PHF2: variants seen among roughly 807,000 people sequenced by gnomAD.
The protein encoded by PHF2 is PHD finger protein 2.
In PHF2, 27 loss-of-function variants were observed where a neutral mutation model predicts 120.5. The observed-to-expected ratio is 0.22, with a 90% CI of 0.17 to 0.31. The LOEUF is 0.31. PHF2 is among the 10% of genes least tolerant of loss of function. The pLI is 1.00. For synonymous variants in PHF2, 568 were observed against 592.5 expected, an observed-to-expected ratio of 0.96 and a Z score of 0.60; for missense variants, 1,024 against 1,434.8, an observed-to-expected ratio of 0.71 and a Z score of 4.63.
At chr9:93,665,508 C>T (rs1339265462) in intron 14 of PHF2, among the ~76,000 whole-genome samples, 178 bp from the exon 15 acceptor site, 1 of 152,248 alleles carries the variant, frequency 6.6e-6, no homozygotes, top group Non-Finnish European at 1.5e-5. Context: ...CCTCTACCCT[C>T]CTCCCATCTC....
At chr9:93,640,714 T>C (rs1397865113) in intron 3 of PHF2, among the ~76,000 whole-genome samples, 1 of 152,234 alleles carries the variant, frequency 6.6e-6, no homozygotes, top group African/African-American at 2.4e-5. Context: ...CTTCTTCGGA[T>C]GCTTGCTTTG....
chr9:93,605,739 A>G (rs1825532174), intron 1 of PHF2, among the ~76,000 whole-genome samples: 2 of 152,024 alleles, frequency 1.3e-5, no homozygotes, highest in Non-Finnish European at 2.9e-5. Flanking sequence ...TCATGACCTG[A>G]TAGTTCTTTT....
intron 17 of PHF2, among the ~76,000 whole-genome samples, chr9:93,669,227 G>T (rs528361266): frequency 6.6e-6 from 1 of 152,198 alleles, no homozygotes; most frequent in Non-Finnish European, 1.5e-5. Flanking sequence ...GCAGGCCCCC[G>T]CCCTCCAGTC....
intron 1 of PHF2, among the ~76,000 whole-genome samples, chr9:93,619,597 G>A (rs1297206938): frequency 1.3e-5 from 2 of 151,700 alleles, no homozygotes; most frequent in African/African-American, 2.4e-5. Flanking sequence ...GCCTGCTGGT[G>A]GTTCCTGGTG....
intron 1 of PHF2, among the ~76,000 whole-genome samples, chr9:93,608,739 CCTTTTA>C (rs1825586583): frequency 6.6e-6 from 1 of 152,072 alleles, no homozygotes; most frequent in Non-Finnish European, 1.5e-5. Flanking sequence ...GTTGTTTCAT[CCTTTTA>C]CTTTTAATCT....
At chr9:93,654,052 A>T (rs1011571275) in intron 6 of PHF2, among the ~76,000 whole-genome samples, 2 of 152,156 alleles carry the variant, frequency 1.3e-5, no homozygotes, top group African/African-American at 4.8e-5. Flanking sequence ...ACTGCCTGGG[A>T]CACAGTGGCA....
At chr9:93,577,939 C>T (rs1408409792) in intron 1 of PHF2, among the ~76,000 whole-genome samples, 3 of 152,190 alleles carry the variant, frequency 2.0e-5, no homozygotes, top group Non-Finnish European at 4.4e-5. Flanking sequence ...GCTGTATGCC[C>T]TCTGGGGCTC....
At chr9:93,660,075 G>T in intron 11 of PHF2, 117 bp from the exon 12 acceptor site, 1 of 1,298,256 alleles carries the variant, frequency 7.7e-7, no homozygotes, top group Non-Finnish European at 1.0e-6. Context: ...GAGCCTTTCT[G>T]GGCTGATAGT....
rs1321860342 is a variant in PHF2 at position 93,677,419 on chromosome 9, C to T, written c.3203-169C>T. Among the ~76,000 whole-genome samples, 3 of 151,942 alleles carry T rather than the reference C, an allele frequency of 2.0e-5. No individual in the cohort carries two copies. The highest frequency in any genetic ancestry group is 4.4e-5 in the Non-Finnish European group (3 of 68,010). On this transcript the variant is annotated intron_variant, in intron 21 of 21. Transcript: ENST00000359246. The surrounding 1 kb of genome is among the most constrained non-coding windows in gnomAD (Gnocchi z 4.4). ...CGGAGGCTTTGCCAGTGATCCCAGA[C>T]TCCTGAAGGGTGCTGAGCTCGGAGC...
At chr9:93,606,278 T>G (rs1298534340) in intron 1 of PHF2, among the ~76,000 whole-genome samples, 1 of 152,052 alleles carries the variant, frequency 6.6e-6, no homozygotes, top group Non-Finnish European at 1.5e-5. Flanking sequence ...GCCTGTGTGG[T>G]TTTATAAGAA....
chr9:93,677,054 G>A lies in PHF2; in HGVS notation c.3202+91G>A, dbSNP rs10992859. ...ACATGCAGACTCGGCCCATGGTAGA[G>A]GGCAGCACATTGGGAGGGCTCCTGG... On this transcript the variant is annotated intron_variant, in intron 21 of 21. Coordinates refer to ENST00000359246, the MANE Select transcript of PHF2 (RefSeq NM_005392.4). This position sits in a 1 kb window ranked among gnomAD's most constrained non-coding sequence, Gnocchi z 4.4. 4.0e-3 allele frequency: 5,500 copies of A among 1,376,198 alleles called. 186 individuals carry two copies. In the African/African-American group the frequency reaches 0.072, roughly 18 times the overall value. The allele number at this position is 1,376,198 out of a possible 1,614,324, so 85.2% of individuals were successfully genotyped here.
intron 1 of PHF2, among the ~76,000 whole-genome samples, chr9:93,586,101 C>T (rs1863039015): frequency 6.6e-6 from 1 of 152,260 alleles, no homozygotes; most frequent in South Asian, 2.1e-4. Context: ...AGCTAGTCTT[C>T]TGCACATTGC....
rs1826967958 is a variant in PHF2 at position 93,678,735 on chromosome 9, A to G, written c.*1059A>G. The G allele has an allele frequency of 6.5e-6, 1 of 152,778 alleles. No homozygotes were observed. The highest frequency in any genetic ancestry group is 2.1e-4 in the South Asian group (1 of 4,850). The allele number at this position is 152,778 out of a possible 1,614,324, so 9.5% of individuals were successfully genotyped here. A position where few individuals can be genotyped will look rare whatever the true frequency, so the allele number is the denominator to read the frequency against. Reference sequence around the variant, plus strand: ...GTAGCGTGTAAATAGCTTTTTAAATAACTTCTTTTTTATAAGAGTAAAAGT... The same window carrying G: ...GTAGCGTGTAAATAGCTTTTTAAATGACTTCTTTTTTATAAGAGTAAAAGT... On this transcript the variant is annotated 3_prime_UTR_variant, in exon 22 of 22. Coordinates refer to ENST00000359246, the MANE Select transcript of PHF2 (RefSeq NM_005392.4).
intron 1 of PHF2, among the ~76,000 whole-genome samples, chr9:93,623,589 G>A (rs1380967416): frequency 6.6e-6 from 1 of 152,122 alleles, no homozygotes; most frequent in Non-Finnish European, 1.5e-5. Context: ...TTGGTATTTT[G>A]GAGCATAATT....
chr9:93,674,823 G>A lies in PHF2; in HGVS notation c.2627-104G>A, dbSNP rs546627009. ...GTGGCAGGCCTTAGTGTAGGCCCTG[G>A]GGTTGCTGGCGAGGAAGGTCTGCAG... is the stretch of plus-strand genomic sequence containing the variant. On this transcript the variant is annotated intron_variant, in intron 18 of 21. Transcript: ENST00000359246. The A allele has an allele frequency of 7.8e-5, 59 of 757,030 alleles. No individual in the cohort carries two copies. The East Asian group carries it at 1.2e-3, about 16-fold the overall frequency. 46.9% of individuals were successfully genotyped at this position (757,030 alleles called of 1,614,324 possible).
chr9:93,598,497 C>G (rs1248273329), intron 1 of PHF2, among the ~76,000 whole-genome samples: 1 of 152,152 alleles, frequency 6.6e-6, no homozygotes, highest in African/African-American at 2.4e-5. Flanking sequence ...AAGCTGCCAA[C>G]CCCCGTCAGA....
intron 1 of PHF2, among the ~76,000 whole-genome samples, chr9:93,609,725 T>G (rs1825603349): frequency 6.6e-6 from 1 of 152,130 alleles, no homozygotes; most frequent in South Asian, 2.1e-4. Flanking sequence ...TTTTTCGAGA[T>G]GGAGTCTTGC....
chr9:93,650,034 C>T (rs1024937568), intron 5 of PHF2, among the ~76,000 whole-genome samples: 15 of 151,526 alleles, frequency 9.9e-5, no homozygotes, highest in Non-Finnish European at 5.9e-5. Flanking sequence ...CGCCAACACA[C>T]GACACATTCA....
At chr9:93,666,164 C>A in intron 16 of PHF2, 104 bp downstream of exon 16, 3 of 1,201,800 alleles carry the variant, frequency 2.5e-6, no homozygotes, top group Non-Finnish European at 3.6e-6. Flanking sequence ...GGTGTTTCTG[C>A]ATGAGATGGC....
Sources: allele counts gnomAD v4.1 joint callset (sites outside exome capture counted in the v4.1 genomes callset), GRCh38; gene constraint gnomAD v4.1.1; non-coding constraint Gnocchi (gnomAD v3.1); transcripts MANE v1.5; gene names NCBI Gene and HGNC (gene_info 2026-07-23, HGNC 2026-07-21).